Variants in DGKB observed in about 807,000 individuals in gnomAD.
DGKB encodes 90 kDa diacylglycerol kinase.
Under a neutral mutation model 114.3 loss-of-function variants are expected in DGKB, and 67 were observed. The ratio of observed to expected loss-of-function variants is 0.59; its 90% CI spans 0.48 to 0.72. DGKB has a LOEUF of 0.72. DGKB is among the 30% of genes least tolerant of loss of function. The pLI is 0.00. For missense variants in DGKB, 907 were observed against 975.2 expected (o/e 0.93, Z 0.93); for synonymous variants, 398 against 323.1 (o/e 1.23, Z -2.49).
intron 1 of DGKB, among the ~76,000 whole-genome samples, chr7:14,924,690 T>A (rs1404777394): frequency 6.6e-6 from 1 of 152,168 alleles, no homozygotes; most frequent in Non-Finnish European, 1.5e-5. Flanking sequence ...TTTGTTTCAA[T>A]AGTAATCATT....
intron 20 of DGKB, among the ~76,000 whole-genome samples, chr7:14,540,667 A>AT (rs1291126707): frequency 1.3e-5 from 2 of 152,152 alleles, no homozygotes; most frequent in Non-Finnish European, 2.9e-5. Context: ...GAGTGGTTTT[A>AT]TTTTTTCATT....
upstream of DGKB, among the ~76,000 whole-genome samples, chr7:14,904,554 G>C (rs1365763173): frequency 1.3e-5 from 2 of 152,120 alleles, no homozygotes; most frequent in African/African-American, 4.8e-5. Flanking sequence ...GCTAAACAAA[G>C]ACCAGTTAAT....
At chr7:14,766,228 T>A (rs369269301) in intron 2 of DGKB, among the ~76,000 whole-genome samples, 7 of 151,950 alleles carry the variant, frequency 4.6e-5, no homozygotes, top group African/African-American at 1.7e-4. Flanking sequence ...ACAGAAAATA[T>A]GCCTAATCCT....
At chr7:14,231,131 C>CTTTA (rs565594894) in intron 23 of DGKB, among the ~76,000 whole-genome samples, 1 of 125,742 alleles carries the variant, frequency 8.0e-6, no homozygotes, top group Non-Finnish European at 1.8e-5. Flanking sequence ...TTCTTTCTTT[C>CTTTA]TTTCTTTCTT....
intron 23 of DGKB, among the ~76,000 whole-genome samples, chr7:14,298,742 A>G (rs1803002797): frequency 6.6e-6 from 1 of 152,240 alleles, no homozygotes; most frequent in African/African-American, 2.4e-5. Flanking sequence ...AACTACCATC[A>G]GAGTAAACAG....
intron 2 of DGKB, among the ~76,000 whole-genome samples, chr7:14,799,816 G>C (rs1280001145): frequency 6.6e-6 from 1 of 152,210 alleles, no homozygotes; most frequent in African/African-American, 2.4e-5. Flanking sequence ...TGAACCAGCA[G>C]ATTGGGATGG....
intron 20 of DGKB, among the ~76,000 whole-genome samples, chr7:14,571,640 A>G (rs1798396444): frequency 6.6e-6 from 1 of 152,232 alleles, no homozygotes; most frequent in East Asian, 1.9e-4. Context: ...TTATCTACAC[A>G]TCCTTGGTTA....
chr7:14,913,732 T>A (rs1364237369), intron 1 of DGKB, among the ~76,000 whole-genome samples: 1 of 151,916 alleles, frequency 6.6e-6, no homozygotes, highest in Non-Finnish European at 1.5e-5. Context: ...AGATAAAAAA[T>A]AATGGTAAAA....
At chr7:14,190,714 T>C (rs1044309746) in intron 23 of DGKB, 6 of 152,168 alleles carry the variant, frequency 3.9e-5, no homozygotes, top group African/African-American at 1.4e-4. Flanking sequence ...AAGTAGGAGA[T>C]ATTAAAGCTG....
chr7:14,910,301 AG>A (rs1234702683), intron 1 of DGKB, among the ~76,000 whole-genome samples: 28 of 138,654 alleles, frequency 2.0e-4, no homozygotes, highest in African/African-American at 7.0e-4. Context: ...AAAGAAAGAA[AG>A]AAAGAAAGAA....
At chr7:14,478,685 G>A (rs1293420014) in intron 20 of DGKB, among the ~76,000 whole-genome samples, 2 of 151,936 alleles carry the variant, frequency 1.3e-5, no homozygotes, top group African/African-American at 4.8e-5. Flanking sequence ...TGGTGTGAGT[G>A]TGCATGTCTA....
chr7:14,171,393 CA>C (rs1421952369), intron 25 of DGKB, among the ~76,000 whole-genome samples: 2 of 152,070 alleles, frequency 1.3e-5, no homozygotes, highest in African/African-American at 4.8e-5. Flanking sequence ...ACAAAATACC[CA>C]GAGTAATTTT....
intron 20 of DGKB, among the ~76,000 whole-genome samples, chr7:14,570,167 T>C (rs1798159972): frequency 1.3e-5 from 2 of 151,746 alleles, no homozygotes. Context: ...CATATGTTGT[T>C]TACTTATAAT....
At chr7:14,417,043 A>T (rs1444204167) in intron 21 of DGKB, among the ~76,000 whole-genome samples, 1 of 152,122 alleles carries the variant, frequency 6.6e-6, no homozygotes, top group African/African-American at 2.4e-5. Flanking sequence ...AAAGATACAC[A>T]TATTTAATGG....
intron 21 of DGKB, among the ~76,000 whole-genome samples, chr7:14,354,125 C>G (rs905920815): frequency 6.6e-6 from 1 of 151,922 alleles, no homozygotes; most frequent in Non-Finnish European, 1.5e-5. Flanking sequence ...TAAAATATAC[C>G]CTGATGTCTG....
At chr7:14,600,449 T>G (rs1803341478) in intron 17 of DGKB, among the ~76,000 whole-genome samples, 1 of 152,072 alleles carries the variant, frequency 6.6e-6, no homozygotes, top group Admixed American at 6.6e-5. Context: ...CCCCAAAAGT[T>G]TTAACAATTT....
chr7:14,417,151 T>A (rs1825837526), intron 21 of DGKB, among the ~76,000 whole-genome samples: 1 of 152,116 alleles, frequency 6.6e-6, no homozygotes. Context: ...TGCACCCTGC[T>A]GGTTTCCATA....
intron 1 of DGKB, among the ~76,000 whole-genome samples, chr7:14,868,504 T>C (rs749076479): frequency 3.2e-4 from 49 of 151,994 alleles, no homozygotes; most frequent in Non-Finnish European, 6.6e-4. Flanking sequence ...CCAGCTAATT[T>C]TGTGTATCTT....
chr7:14,547,131 CCTTTT>C (rs1306442645), intron 20 of DGKB, among the ~76,000 whole-genome samples: 12 of 152,250 alleles, frequency 7.9e-5, no homozygotes, highest in Admixed American at 7.2e-4. Flanking sequence ...ATCCTTTTCT[CCTTTT>C]CTTTTGAGTT....
Sources: gnomAD v4.1 joint callset for allele counts (sites outside exome capture counted in the v4.1 genomes callset) on GRCh38, gnomAD v4.1.1 for gene constraint, MANE v1.5 for transcripts, NCBI Gene and HGNC (gene_info 2026-07-23, HGNC 2026-07-21) for gene names.